Variants in KTN1 observed in about 807,000 individuals in gnomAD.
KTN1 encodes kinectin.
A neutral mutation model predicts 222.5 loss-of-function variants in KTN1; 130 were observed. The ratio of observed to expected loss-of-function variants is 0.58; its 90% CI spans 0.51 to 0.68. The LOEUF (loss-of-function observed/expected upper bound fraction) is 0.68, where lower values mean the gene tolerates loss of function less well. Among genes scored for constraint, KTN1 ranks in the 30% least tolerant of loss-of-function variants. KTN1 has a pLI of 0.00. For synonymous variants in KTN1, 512 were observed against 496.3 expected, an observed-to-expected ratio of 1.03 and a Z score of -0.42; for missense variants, 1,508 against 1,500.4, an observed-to-expected ratio of 1.01 and a Z score of -0.08.
chr14:55,670,664 C>T lies in KTN1; in HGVS notation c.3268-65C>T. The T allele has an allele frequency of 1.0e-5, 11 of 1,081,798 alleles. No individual in the cohort carries two copies. In the South Asian group the frequency reaches 1.1e-4, roughly 10 times the overall value. The allele number at this position is 1,081,798 out of a possible 1,614,324, so 67.0% of individuals were successfully genotyped here. A position where few individuals can be genotyped will look rare whatever the true frequency, so the allele number is the denominator to read the frequency against. The stretch of plus-strand genomic sequence containing the variant: ...TCTAATTTGGTTATTTTAAATGTTT[C>T]ACCTGTTTTATTTGGATTTTTTTTT... On this transcript the variant is annotated intron_variant, in intron 34 of 43. Coordinates refer to ENST00000395314, the MANE Select transcript of KTN1 (RefSeq NM_001079521.2).
chr14:55,614,368 C>G (rs2038041606), intron 2 of KTN1, among the ~76,000 whole-genome samples: 1 of 152,060 alleles, frequency 6.6e-6, no homozygotes, highest in Non-Finnish European at 1.5e-5. Flanking sequence ...ATGGTAGTGA[C>G]AGAAGAAACA....
chr14:55,635,689 C>G (rs908903472), intron 9 of KTN1, among the ~76,000 whole-genome samples: 1 of 152,174 alleles, frequency 6.6e-6, no homozygotes, highest in Non-Finnish European at 1.5e-5. Context: ...GTATAATTCT[C>G]TATTCCTGCT....
rs114377716 is a variant in KTN1 at position 55,634,128 on chromosome 14, C to A, written c.1329-398C>A. Among the ~76,000 whole-genome samples, 10 of 151,092 alleles carry A rather than the reference C, an allele frequency of 6.6e-5. No individual in the cohort carries two copies. The East Asian group carries it at 9.7e-4, about 15-fold the overall frequency. On this transcript the variant is annotated intron_variant, in intron 8 of 43. Coordinates refer to ENST00000395314, the MANE Select transcript of KTN1 (RefSeq NM_001079521.2). ...CAGCCTGGGTGACAGAGTCACACTC[C>A]GTCTCAAAAAAAAAAGACACTTTCC...
chr14:55,594,780 A>G (rs1428910789), intron 1 of KTN1, among the ~76,000 whole-genome samples: 2 of 152,234 alleles, frequency 1.3e-5, no homozygotes, highest in African/African-American at 2.4e-5. Context: ...AGTTGAAAGT[A>G]AATACACTTT....
chr14:55,643,051 A>G (rs908589302), intron 18 of KTN1, among the ~76,000 whole-genome samples: 8 of 152,098 alleles, frequency 5.3e-5, no homozygotes, highest in African/African-American at 1.9e-4. Context: ...CTGGGACTAC[A>G]GGCATATGCC....
rs2141392668 is a variant in KTN1 at position 55,678,344 on chromosome 14, C to G, written c.3856-8C>G. 5.8e-6 allele frequency: 9 copies of G among 1,557,762 alleles called. No homozygotes were observed. Among genetic ancestry groups the G allele is most frequent in the Middle Eastern group, 1.7e-4 (1 of 5,956 alleles). On this transcript the variant is annotated splice_region_variant and splice_polypyrimidine_tract_variant and intron_variant, in intron 41 of 43. Coordinates refer to ENST00000395314, the MANE Select transcript of KTN1 (RefSeq NM_001079521.2). Reference sequence around the variant, plus strand: ...TACTTAGTAGCTACCATATTGTTTTCCTTATAGGCTCAACAGTCACTGGAG... The same window carrying G: ...TACTTAGTAGCTACCATATTGTTTTGCTTATAGGCTCAACAGTCACTGGAG...
At chr14:55,648,666 A>G (rs750235136) in intron 20 of KTN1, 136 bp from the exon 21 acceptor site, 11 of 673,908 alleles carry the variant, frequency 1.6e-5, no homozygotes, top group Admixed American at 2.8e-5. Context: ...AATTATAGAC[A>G]TGGAAAAAAG....
chr14:55,620,085 C>G (rs1057158605), intron 5 of KTN1, among the ~76,000 whole-genome samples: 11 of 152,300 alleles, frequency 7.2e-5, no homozygotes, highest in African/African-American at 2.6e-4. Context: ...AAAAGGGCTA[C>G]AGGCCCCATA....
intron 18 of KTN1, among the ~76,000 whole-genome samples, chr14:55,646,397 C>CT (rs754516990): frequency 6.6e-6 from 1 of 150,894 alleles, no homozygotes; most frequent in African/African-American, 2.4e-5. Context: ...GTCTGTCTTT[C>CT]TTTCTTTCTT....
rs537220559 is a variant in KTN1, at chr14:55,617,879, G to A, written c.662-85G>A. 7 of 1,002,116 alleles carry A rather than the reference G, an allele frequency of 7.0e-6. No homozygotes were observed. In the African/African-American group the frequency reaches 9.9e-5, roughly 14 times the overall value. The allele number at this position is 1,002,116 out of a possible 1,614,324, so 62.1% of individuals were successfully genotyped here. ...TACCAGTAAATGTTTCAAAAGAACTGCATTTATCATTAAATTATGCTTGCA... is the reference window on the plus strand; with the variant it reads ...TACCAGTAAATGTTTCAAAAGAACTACATTTATCATTAAATTATGCTTGCA... On this transcript the variant is annotated intron_variant, in intron 3 of 43. Coordinates refer to ENST00000395314, the MANE Select transcript of KTN1 (RefSeq NM_001079521.2).
chr14:55,684,228 T>G lies in KTN1; in HGVS notation c.*125T>G. On this transcript the variant is annotated 3_prime_UTR_variant, in exon 44 of 44. Coordinates refer to ENST00000395314, the MANE Select transcript of KTN1 (RefSeq NM_001079521.2). Reference sequence around the variant, plus strand: ...GAAACACTGAACAGAGTTTTGTCTTTTCTAATCCTTGTTAGACTACTGATT... The same window carrying G: ...GAAACACTGAACAGAGTTTTGTCTTGTCTAATCCTTGTTAGACTACTGATT... The G allele has an allele frequency of 1.4e-6, 1 of 693,934 alleles. No homozygotes were observed. Among genetic ancestry groups the G allele is most frequent in the Admixed American group, 3.4e-5 (1 of 29,726 alleles). The allele number at this position is 693,934 out of a possible 1,614,324, so 43.0% of individuals were successfully genotyped here.
intron 2 of KTN1, among the ~76,000 whole-genome samples, chr14:55,614,471 T>C (rs560929384): frequency 2.0e-5 from 3 of 152,288 alleles, no homozygotes; most frequent in African/African-American, 7.2e-5. Flanking sequence ...AAAGCTGATC[T>C]CCCAAGTTCT....
chr14:55,667,564 ACAT>A (rs1419063689), intron 34 of KTN1: 13 of 275,460 alleles, frequency 4.7e-5, no homozygotes. Flanking sequence ...AGGATTAAAA[ACAT>A]CATATTTGGG....
intron 33 of KTN1, among the ~76,000 whole-genome samples, chr14:55,665,581 T>C (rs931149597): frequency 1.3e-5 from 2 of 152,022 alleles, no homozygotes; most frequent in African/African-American, 4.8e-5. Flanking sequence ...GAAACACTTT[T>C]AGTATTTTAA....
intron 1 of KTN1, among the ~76,000 whole-genome samples, chr14:55,584,632 T>G (rs78472121): frequency 0.016 from 2,509 of 152,314 alleles, 51 homozygotes; most frequent in African/African-American, 0.05. Flanking sequence ...TGTACCTTGC[T>G]CCGTTTTCTT....
At chr14:55,659,972 T>G (rs999657469) in intron 31 of KTN1, among the ~76,000 whole-genome samples, 5 of 152,216 alleles carry the variant, frequency 3.3e-5, no homozygotes, top group Non-Finnish European at 7.3e-5. Flanking sequence ...TAAACTATAC[T>G]TTGCAGGGTT....
intron 2 of KTN1, among the ~76,000 whole-genome samples, chr14:55,613,692 C>T (rs2037938464): frequency 6.6e-6 from 1 of 151,998 alleles, no homozygotes. Context: ...TGGTCTCGAA[C>T]TCCTGACCTC....
At chr14:55,659,726 A>T (rs769965516) in intron 31 of KTN1, 23 bp downstream of exon 31, 3 of 1,327,564 alleles carry the variant, frequency 2.3e-6, no homozygotes, top group East Asian at 4.6e-5. Context: ...TTTGAGTCAC[A>T]GTTTATAAAG....
chr14:55,620,050 C>T (rs1229199999), intron 5 of KTN1, among the ~76,000 whole-genome samples: 1 of 152,136 alleles, frequency 6.6e-6, no homozygotes, highest in African/African-American at 2.4e-5. Context: ...TACAGCCACT[C>T]CAAATGGGAG....
Sources: gnomAD v4.1 joint callset for allele counts (sites outside exome capture counted in the v4.1 genomes callset) on GRCh38, gnomAD v4.1.1 for gene constraint, MANE v1.5 for transcripts, NCBI Gene and HGNC (gene_info 2026-07-23, HGNC 2026-07-21) for gene names.